The following MEGF10 variants were observed in gnomAD, a reference collection of about 807,000 sequenced individuals.
MEGF10 encodes the protein multiple EGF like domains 10, also known as multiple epidermal growth factor-like domains protein 10.
Under a neutral mutation model 147.5 loss-of-function variants are expected in MEGF10, and 86 were observed. That is an observed-to-expected ratio of 0.58 (90% CI 0.49 to 0.70). MEGF10 has a LOEUF of 0.70. Ranked by LOEUF, MEGF10 falls within the 30% of genes least tolerant of loss-of-function variation. MEGF10 has a pLI of 0.00. For synonymous variants in MEGF10, 478 were observed against 525.5 expected, an observed-to-expected ratio of 0.91 and a Z score of 1.24; for missense variants, 1,329 against 1,487.3, an observed-to-expected ratio of 0.89 and a Z score of 1.75.
Position 127,364,249 on chromosome 5 carries a change from C to A in MEGF10, c.320-5661C>A, listed in dbSNP as rs76449203. On this transcript the variant is annotated intron_variant, in intron 4 of 24. Coordinates refer to ENST00000503335, the MANE Select transcript of MEGF10 (RefSeq NM_001256545.2). ...GAACATTTTCATCATCTCAATACAA[C>A]CCCTGTACCTACTACCCATCAATCC... Among the ~76,000 whole-genome samples the A allele has an allele frequency of 5.1e-3, 778 of 152,270 alleles. 9 individuals are homozygous for A. The highest frequency in any genetic ancestry group is 0.017 in the African/African-American group (715 of 41,548).
intron 1 of MEGF10, among the ~76,000 whole-genome samples, chr5:127,293,441 C>G (rs1343714915): frequency 6.6e-6 from 1 of 152,094 alleles, no homozygotes; most frequent in South Asian, 2.1e-4. Context: ...CCATTTTTGA[C>G]CTAAATAAAT....
intron 9 of MEGF10, among the ~76,000 whole-genome samples, chr5:127,414,945 G>A (rs914249504): frequency 4.6e-5 from 7 of 152,156 alleles, no homozygotes; most frequent in African/African-American, 1.7e-4. Context: ...TGGGTGGACA[G>A]GGAAGGTTTC....
chr5:127,359,348 G>GT (rs140801368), intron 4 of MEGF10, among the ~76,000 whole-genome samples: 7,049 of 150,140 alleles, frequency 0.047, 538 homozygotes, highest in African/African-American at 0.16. Flanking sequence ...TTACTCTAGG[G>GT]TTTTTTTTTG....
chr5:127,312,450 T>C (rs1760332846), intron 1 of MEGF10, among the ~76,000 whole-genome samples: 1 of 152,138 alleles, frequency 6.6e-6, no homozygotes, highest in Admixed American at 6.5e-5. Flanking sequence ...TGAAGAACTG[T>C]CTCTATTTTT....
At chr5:127,421,168 A>G (rs982259194) in intron 12 of MEGF10, among the ~76,000 whole-genome samples, 2 of 152,192 alleles carry the variant, frequency 1.3e-5, no homozygotes, top group African/African-American at 4.8e-5. Context: ...TTTACTCCCT[A>G]TCTGATTGTA....
At position 127,348,747 on chromosome 5, in the gene MEGF10, C is replaced by T. The variant is rs886767269; in HGVS notation, c.319+8117C>T. Among the ~76,000 whole-genome samples the T allele has an allele frequency of 2.0e-5, 3 of 152,220 alleles. No individual in the cohort carries two copies. In the South Asian group the frequency reaches 6.2e-4, roughly 32 times the overall value. On this transcript the variant is annotated intron_variant, in intron 4 of 24. Coordinates refer to ENST00000503335, the MANE Select transcript of MEGF10 (RefSeq NM_001256545.2). Reference sequence around the variant, plus strand: ...AAATTTAACAAACACATTAAGAAGCCTTTGACTAATGTTTTATAAACTTAA... The same window carrying T: ...AAATTTAACAAACACATTAAGAAGCTTTTGACTAATGTTTTATAAACTTAA...
At chr5:127,409,633 T>C (rs1393554617) in intron 8 of MEGF10, 1 of 152,408 alleles carries the variant, frequency 6.6e-6, no homozygotes, top group Non-Finnish European at 1.5e-5. Context: ...TTTAAAAAGA[T>C]AATGAAGTGA....
the MEGF10 span, among the ~76,000 whole-genome samples, chr5:127,271,043 T>C: frequency 2.6e-5 from 4 of 152,240 alleles, no homozygotes; most frequent in Non-Finnish European, 4.4e-5. Context: ...CGTGTCTTTA[T>C]AGTAGATGAT....
intron 13 of MEGF10, among the ~76,000 whole-genome samples, chr5:127,431,603 T>C (rs981355060): frequency 2.6e-5 from 4 of 152,190 alleles, no homozygotes; most frequent in Admixed American, 1.3e-4. Flanking sequence ...TTTGTCTTGA[T>C]GGCATCAGAC....
intron 4 of MEGF10, among the ~76,000 whole-genome samples, chr5:127,369,127 T>C (rs1007774075): frequency 1.3e-5 from 2 of 152,170 alleles, no homozygotes; most frequent in African/African-American, 4.8e-5. Context: ...CTTTAAGTCG[T>C]TCTCACAATT....
At chr5:127,274,028 A>T in the MEGF10 span, among the ~76,000 whole-genome samples, 1 of 152,208 alleles carries the variant, frequency 6.6e-6, no homozygotes, top group Non-Finnish European at 1.5e-5. Context: ...AGAAAATTCC[A>T]CTGGACAGCT....
intron 13 of MEGF10, among the ~76,000 whole-genome samples, chr5:127,426,221 C>G (rs569577413): frequency 6.6e-6 from 1 of 152,292 alleles, no homozygotes; most frequent in Admixed American, 6.5e-5. Flanking sequence ...TAACTTCAAC[C>G]CACTATCTAG....
At chr5:127,287,631 C>A (rs1398384251), upstream of MEGF10, among the ~76,000 whole-genome samples, 1 of 151,812 alleles carries the variant, frequency 6.6e-6, no homozygotes, top group African/African-American at 2.4e-5. Flanking sequence ...TTAGAGGAAT[C>A]GATATTTTTA....
chr5:127,406,545 T>C (rs1362001620), intron 8 of MEGF10, among the ~76,000 whole-genome samples: 2 of 152,124 alleles, frequency 1.3e-5, no homozygotes, highest in African/African-American at 4.8e-5. Context: ...ATTTGCCATT[T>C]CCCTTGTTTT....
intron 5 of MEGF10, among the ~76,000 whole-genome samples, chr5:127,391,926 G>T (rs1226525908): frequency 6.6e-6 from 1 of 152,062 alleles, no homozygotes; most frequent in African/African-American, 2.4e-5. Flanking sequence ...AACTTTGGGA[G>T]GCCAAGGCTG....
At chr5:127,240,082 C>T in the MEGF10 span, among the ~76,000 whole-genome samples, 1 of 152,214 alleles carries the variant, frequency 6.6e-6, no homozygotes, top group Non-Finnish European at 1.5e-5. Flanking sequence ...CACTCACAGG[C>T]TCCTTTCCCT....
the MEGF10 span, among the ~76,000 whole-genome samples, chr5:127,257,017 G>T: frequency 6.6e-6 from 1 of 152,154 alleles, no homozygotes; most frequent in Admixed American, 6.5e-5. Context: ...CAGGGGAAAT[G>T]AATGAGTCCC....
At chr5:127,283,532 A>C in the MEGF10 span, among the ~76,000 whole-genome samples, 1 of 152,210 alleles carries the variant, frequency 6.6e-6, no homozygotes, top group Admixed American at 6.5e-5. Context: ...ATGCTTTTAC[A>C]AACTGCCAGT....
intron 5 of MEGF10, among the ~76,000 whole-genome samples, chr5:127,371,342 T>C (rs1373541225): frequency 1.3e-5 from 2 of 151,994 alleles, no homozygotes; most frequent in Non-Finnish European, 2.9e-5. Flanking sequence ...AGTGGGCATT[T>C]TGTTCACACG....
Sources: gnomAD v4.1 joint callset for allele counts (sites outside exome capture counted in the v4.1 genomes callset) on GRCh38, gnomAD v4.1.1 for gene constraint, MANE v1.5 for transcripts, NCBI Gene and HGNC (gene_info 2026-07-23, HGNC 2026-07-21) for gene names.